CAMTA1: variants seen among roughly 807,000 people sequenced by gnomAD.
The protein encoded by CAMTA1 is calmodulin-binding transcription activator 1.
Under a neutral mutation model 170.9 loss-of-function variants are expected in CAMTA1, and 27 were observed. The ratio of observed to expected loss-of-function variants is 0.16; its 90% confidence interval spans 0.12 to 0.22. The LOEUF (loss-of-function observed/expected upper bound fraction) is 0.22, where lower values mean the gene tolerates loss of function less well. Among genes scored for constraint, CAMTA1 ranks in the 10% least tolerant of loss-of-function variants. CAMTA1 has a pLI of 1.00. For missense variants in CAMTA1, 1,619 were observed against 2,217.2 expected (o/e 0.73, Z 5.42); for synonymous variants, 833 against 891.5 (o/e 0.93, Z 1.17).
chr1:7,420,470 A>G (rs976988764), intron 5 of CAMTA1, among the ~76,000 whole-genome samples: 2 of 152,274 alleles, frequency 1.3e-5, no homozygotes, highest in Non-Finnish European at 2.9e-5. Flanking sequence ...TGCCTACCAC[A>G]GCACCAGGCC....
chr1:7,402,903 G>C (rs1183144180), intron 5 of CAMTA1, among the ~76,000 whole-genome samples: 1 of 152,198 alleles, frequency 6.6e-6, no homozygotes, highest in African/African-American at 2.4e-5. Flanking sequence ...TCCACAGCAG[G>C]AATGGGGCAC....
intron 3 of CAMTA1, among the ~76,000 whole-genome samples, chr1:6,857,096 G>T (rs531882816): frequency 6.6e-6 from 1 of 151,986 alleles, no homozygotes; most frequent in African/African-American, 2.4e-5. Flanking sequence ...ACCGTGTGGG[G>T]TGCTGAGTGG....
intron 3 of CAMTA1, among the ~76,000 whole-genome samples, chr1:6,937,896 C>T (rs1685735595): frequency 6.6e-6 from 1 of 152,272 alleles, no homozygotes; most frequent in South Asian, 2.1e-4. Flanking sequence ...CCACCATCAT[C>T]ACCAACACTA....
At chr1:7,330,725 AGTTAT>A (rs2149740127) in intron 5 of CAMTA1, among the ~76,000 whole-genome samples, 1 of 152,336 alleles carries the variant, frequency 6.6e-6, no homozygotes, top group East Asian at 1.9e-4. Context: ...CTGGCTGTTA[AGTTAT>A]AAGAGAAAAA....
intron 3 of CAMTA1, among the ~76,000 whole-genome samples, chr1:6,878,795 C>T (rs1463043746): frequency 6.6e-6 from 1 of 152,206 alleles, no homozygotes; most frequent in African/African-American, 2.4e-5. Context: ...TCACCCATTC[C>T]ATAACCCCCA....
chr1:7,079,211 G>A (rs576852657), intron 3 of CAMTA1, among the ~76,000 whole-genome samples: 28 of 152,330 alleles, frequency 1.8e-4, no homozygotes, highest in African/African-American at 6.0e-4. Context: ...AAAACGTGCT[G>A]TAGACCCACC....
intron 5 of CAMTA1, among the ~76,000 whole-genome samples, chr1:7,393,911 T>G (rs1460226774): frequency 6.6e-6 from 1 of 152,192 alleles, no homozygotes; most frequent in Non-Finnish European, 1.5e-5. Context: ...GAGATCAACT[T>G]CTTAAGATTC....
intron 3 of CAMTA1, among the ~76,000 whole-genome samples, chr1:7,025,309 TG>T (rs1350451974): frequency 1.3e-5 from 2 of 152,206 alleles, no homozygotes; most frequent in African/African-American, 4.8e-5. Context: ...TCTGGCAGCC[TG>T]GGGGCCCTGG....
chr1:7,462,512 C>T (rs1415389106), intron 5 of CAMTA1, among the ~76,000 whole-genome samples: 1 of 152,170 alleles, frequency 6.6e-6, no homozygotes, highest in Admixed American at 6.5e-5. Flanking sequence ...TGATTGGCCT[C>T]CCAAAGTGCT....
chr1:7,430,888 A>G (rs1469864831), intron 5 of CAMTA1, among the ~76,000 whole-genome samples: 1 of 152,256 alleles, frequency 6.6e-6, no homozygotes, highest in Non-Finnish European at 1.5e-5. Flanking sequence ...TTGTCAGGTT[A>G]GAAGAAAATA....
intron 4 of CAMTA1, among the ~76,000 whole-genome samples, chr1:7,209,161 C>T (rs775706941): frequency 2.0e-5 from 3 of 152,080 alleles, no homozygotes; most frequent in East Asian, 1.9e-4. Flanking sequence ...TTCCTTGATG[C>T]GCAGAGATGC....
At chr1:6,943,187 C>T (rs374781537) in intron 3 of CAMTA1, among the ~76,000 whole-genome samples, 46 of 152,062 alleles carry the variant, frequency 3.0e-4, no homozygotes, top group African/African-American at 1.1e-3. Context: ...TCCTCCCCTC[C>T]GTCCTTCCTC....
At chr1:7,129,575 G>T (rs1645129164) in intron 4 of CAMTA1, among the ~76,000 whole-genome samples, 2 of 152,186 alleles carry the variant, frequency 1.3e-5, no homozygotes, top group African/African-American at 4.8e-5. Context: ...ATTCCTTTTT[G>T]CCTCAGCTTT....
chr1:7,213,598 TTTTTTTTAAATTTC>T (rs1050953493), intron 4 of CAMTA1, among the ~76,000 whole-genome samples: 98 of 106,838 alleles, frequency 9.2e-4, no homozygotes, highest in African/African-American at 4.2e-3. Flanking sequence ...ATTTTTTTTC[TTTTTTTTAAATTTC>T]TTTTTTTTAT....
intron 6 of CAMTA1, among the ~76,000 whole-genome samples, chr1:7,566,355 G>A (rs2095042069): frequency 6.6e-6 from 1 of 152,184 alleles, no homozygotes; most frequent in South Asian, 2.1e-4. Context: ...AGCAGCCTTT[G>A]GAGATAGGCC....
chr1:7,131,217 G>T (rs1398762546), intron 4 of CAMTA1, among the ~76,000 whole-genome samples: 1 of 152,100 alleles, frequency 6.6e-6, no homozygotes, highest in Non-Finnish European at 1.5e-5. Flanking sequence ...CTCCCAAAGT[G>T]CCAGGATTAC....
At chr1:7,632,031 G>A (rs915543280) in intron 6 of CAMTA1, among the ~76,000 whole-genome samples, 26 of 152,072 alleles carry the variant, frequency 1.7e-4, no homozygotes, top group African/African-American at 5.3e-4. Context: ...GCCCAGTGCC[G>A]CCCAGTGCCG....
intron 5 of CAMTA1, among the ~76,000 whole-genome samples, chr1:7,278,702 C>A (rs552764974): frequency 3.8e-4 from 58 of 152,212 alleles, no homozygotes; most frequent in African/African-American, 1.4e-3. Flanking sequence ...TTCTGGGGTT[C>A]ATTTACTCTA....
chr1:7,241,610 G>T (rs1437881356), intron 4 of CAMTA1, among the ~76,000 whole-genome samples: 1 of 152,208 alleles, frequency 6.6e-6, no homozygotes, highest in Admixed American at 6.5e-5. Flanking sequence ...CAATGGAACA[G>T]AAGAGAAAGT....
Sources: gnomAD v4.1 joint callset for allele counts (sites outside exome capture counted in the v4.1 genomes callset) on GRCh38, gnomAD v4.1.1 for gene constraint, MANE v1.5 for transcripts, NCBI Gene and HGNC (gene_info 2026-07-23, HGNC 2026-07-21) for gene names.